GPI: variants seen among roughly 807,000 people sequenced by gnomAD.
The protein encoded by GPI is D-hexose-6-phosphate anomerase.
Under a neutral mutation model 75.8 loss-of-function variants are expected in GPI, and 56 were observed. That is an observed-to-expected ratio of 0.74 (90% CI 0.60 to 0.92). The LOEUF (loss-of-function observed/expected upper bound fraction) is 0.92. Among genes scored for constraint, GPI ranks in the 40% least tolerant of loss-of-function variants. The pLI is 0.00. For synonymous variants in GPI, 288 were observed against 285.4 expected (o/e 1.01, Z -0.09); for missense variants, 638 against 741.0 (o/e 0.86, Z 1.61).
chr19:34,388,082 C>G (rs1401377284), intron 9 of GPI, among the ~76,000 whole-genome samples: 1 of 152,168 alleles, frequency 6.6e-6, no homozygotes. Flanking sequence ...ATAGACAGAG[C>G]TCAGGGTAAT....
At chr19:34,391,758 C>T (rs946279173) in intron 9 of GPI, among the ~76,000 whole-genome samples, 5 of 304 alleles carry the variant, frequency 0.016, no homozygotes, top group Admixed American at 0.033. Context: ...GCATTTGGCA[C>T]AGGTATGAGA....
upstream of GPI, chr19:34,364,944 C>T: frequency 6.6e-7 from 1 of 1,524,348 alleles, no homozygotes. Flanking sequence ...CACCTGGGCT[C>T]CAGTGATCCC....
At chr19:34,367,104 G>A in intron 3 of GPI, 1 of 640,460 alleles carries the variant, frequency 1.6e-6, no homozygotes, top group South Asian at 1.6e-5. Context: ...CCCACAGGGA[G>A]AGTTTCTCAA....
intron 4 of GPI, among the ~76,000 whole-genome samples, 181 bp from the exon 5 acceptor site, chr19:34,377,301 CAAAAAAAAAAAAAAAAAAAAA>C (rs1169701523): frequency 3.2e-4 from 5 of 15,468 alleles, no homozygotes; most frequent in African/African-American, 6.7e-4. Flanking sequence ...GGCTTCATCT[CAAAAAAAAAAAAAAAAAAAAA>C]AAAAAAAAAA....
chr19:34,395,944 T>C (rs1292430753), intron 12 of GPI, among the ~76,000 whole-genome samples: 1 of 151,112 alleles, frequency 6.6e-6, no homozygotes, highest in Middle Eastern at 3.2e-3. Flanking sequence ...TTTTTTTTTT[T>C]TCTTTTTTTT....
chr19:34,394,857 G>T (rs1331361335), intron 12 of GPI, among the ~76,000 whole-genome samples: 1 of 152,098 alleles, frequency 6.6e-6, no homozygotes, highest in African/African-American at 2.4e-5. Context: ...GGGATTGCAG[G>T]CATGCACCAC....
Position 34,401,785 on chromosome 19 carries a change from C to A in GPI, c.*1749C>A, listed in dbSNP as rs1351961823. On this transcript the variant is annotated 3_prime_UTR_variant, in exon 18 of 18. Coordinates refer to ENST00000356487, the MANE Select transcript of GPI (RefSeq NM_000175.5). ...TTCCAAGTAGCTGGGTCCGCAGATG[C>A]ATGCCAGTACACCCAGCTCATTTAA... The A allele has an allele frequency of 6.6e-6, 1 of 152,224 alleles. No homozygotes were observed. Among genetic ancestry groups the A allele is most frequent in the Non-Finnish European group, 1.5e-5 (1 of 68,060 alleles). 9.4% of individuals were successfully genotyped at this position (152,224 alleles called of 1,614,324 possible).
chr19:34,366,553 C>A, intron 2 of GPI, 118 bp downstream of exon 2: 1 of 809,594 alleles, frequency 1.2e-6, no homozygotes, highest in South Asian at 1.3e-5. Context: ...AGACCTCAGT[C>A]ACCTCCTCTG....
At position 34,373,345 on chromosome 19, in the gene GPI, C is replaced by T. The variant is rs530365701; in HGVS notation, c.403-4158C>T. Among the ~76,000 whole-genome samples, 80 of 150,840 alleles carry T rather than the reference C, an allele frequency of 5.3e-4. 1 individual carries two copies. The highest frequency in any genetic ancestry group is 3.4e-3 in the Middle Eastern group (1 of 292). The stretch of plus-strand genomic sequence containing the variant: ...TGGAGGTTACTGAGAGCTGAGATGG[C>T]GCCACTGCACTCCAGCCTGGGTGAC... On this transcript the variant is annotated intron_variant, in intron 4 of 17. Coordinates refer to ENST00000356487, the MANE Select transcript of GPI (RefSeq NM_000175.5).
chr19:34,399,440 G>A, intron 15 of GPI, 105 bp downstream of exon 15: 1 of 1,569,644 alleles, frequency 6.4e-7, no homozygotes, highest in Non-Finnish European at 8.8e-7. Context: ...CCTACAGAAT[G>A]GGAGGGCCTG....
At chr19:34,367,947 G>A (rs1740033174) in intron 3 of GPI, among the ~76,000 whole-genome samples, 1 of 152,330 alleles carries the variant, frequency 6.6e-6, no homozygotes, top group South Asian at 2.1e-4. Flanking sequence ...TTGAGATGGA[G>A]TCTTGCTCTG....
In GPI at chr19:34,379,468, C is replaced by T. The variant is rs781390382; in HGVS notation, c.706-50C>T. On this transcript the variant is annotated intron_variant, in intron 7 of 17. Coordinates refer to ENST00000356487, the MANE Select transcript of GPI (RefSeq NM_000175.5). ...TTCCTCTAGTGATGGGAAGTGACTA[C>T]CCTTTGTCTCCCTGGGCTGGCTGTG... 5 of 1,541,850 alleles carry T rather than the reference C, an allele frequency of 3.2e-6. 1 individual carries two copies. Among genetic ancestry groups the T allele is most frequent in the Middle Eastern group, 3.4e-4 (2 of 5,942 alleles).
chr19:34,399,073 C>A, intron 14 of GPI, 134 bp from the exon 15 acceptor site: 2 of 715,032 alleles, frequency 2.8e-6, no homozygotes, highest in East Asian at 2.7e-5. Context: ...GATGTGTCCC[C>A]CTCGCTCCAA....
chr19:34,381,295 C>T (rs1317181504), intron 8 of GPI, 171 bp from the exon 9 acceptor site: 1 of 693,620 alleles, frequency 1.4e-6, no homozygotes, highest in Non-Finnish European at 2.6e-6. Flanking sequence ...GTGGGCAGAT[C>T]CTGGGCCCTG....
intron 4 of GPI, among the ~76,000 whole-genome samples, chr19:34,372,041 C>T (rs2074461249): frequency 1.3e-5 from 2 of 151,626 alleles, no homozygotes; most frequent in Admixed American, 1.3e-4. Context: ...AGCAATTCTC[C>T]TGCCTCAGCC....
At chr19:34,366,017 A>G (rs2074358277) in intron 1 of GPI, 1 of 575,380 alleles carries the variant, frequency 1.7e-6, no homozygotes, top group Non-Finnish European at 3.3e-6. Context: ...CCCGATGGCC[A>G]TCCCTGTCAT....
In GPI at chr19:34,366,831, GAGA is replaced by G. The variant is rs2074373867; in HGVS notation, c.266_268del (p.Lys89del). On this transcript the variant is annotated inframe_deletion, in exon 3 of 18. Coordinates refer to ENST00000356487, the MANE Select transcript of GPI (RefSeq NM_000175.5). ...CGCCCGGGAGCGGATGTTCAATGGT[GAGA>G]AGATCAACTACACCGAGGTGAGCAG... 1 of 1,613,490 alleles carries G rather than the reference GAGA, an allele frequency of 6.2e-7. No individual in the cohort carries two copies. Among genetic ancestry groups the G allele is most frequent in the African/African-American group, 1.3e-5 (1 of 74,928 alleles).
At chr19:34,364,877 A>G, upstream of GPI, 2 of 1,138,080 alleles carry the variant, frequency 1.8e-6, no homozygotes, top group African/African-American at 1.6e-5. Context: ...GAATGAATGA[A>G]GCCGACTAGT....
chr19:34,372,592 T>C (rs1368949666), intron 4 of GPI, among the ~76,000 whole-genome samples: 1 of 152,138 alleles, frequency 6.6e-6, no homozygotes, highest in African/African-American at 2.4e-5. Context: ...CAGTGAGCTA[T>C]GATCATACTC....
Sources: gnomAD v4.1 joint callset for allele counts (sites outside exome capture counted in the v4.1 genomes callset) on GRCh38, gnomAD v4.1.1 for gene constraint, MANE v1.5 for transcripts, NCBI Gene and HGNC (gene_info 2026-07-23, HGNC 2026-07-21) for gene names.